The following NCALD variants were observed in gnomAD, a reference collection of about 807,000 sequenced individuals.
NCALD encodes neurocalcin-delta.
Under a neutral mutation model 18.6 loss-of-function variants are expected in NCALD, and 10 were observed. The ratio of observed to expected loss-of-function variants is 0.54; its 90% confidence interval spans 0.33 to 0.91. The LOEUF is 0.91. Among genes scored for constraint, NCALD ranks in the 40% least tolerant of loss-of-function variants. NCALD has a pLI of 0.03. For missense variants in NCALD, 184 were observed against 247.6 expected, an observed-to-expected ratio of 0.74 and a Z score of 1.72; for synonymous variants, 88 against 87.4, an observed-to-expected ratio of 1.01 and a Z score of -0.04.
In NCALD at chr8:101,974,719, G is replaced by T. The variant is rs1282507117; in HGVS notation, c.-157+45518C>A. Among the ~76,000 whole-genome samples, 5 of 152,242 alleles carry T rather than the reference G, an allele frequency of 3.3e-5. No homozygotes were observed. The East Asian group carries it at 7.7e-4, about 23-fold the overall frequency. On this transcript the variant is annotated intron_variant, in intron 2 of 6. Coordinates refer to the NCALD transcript ENST00000311028. ...GTGTGTGTTCAAAACAGCAATAAAA[G>T]ATACTAAAATAACTAACAACATGCC... is the stretch of plus-strand genomic sequence containing the variant.
intron 1 of NCALD, among the ~76,000 whole-genome samples, chr8:101,741,176 T>G (rs1025057390): frequency 6.6e-5 from 10 of 151,384 alleles, no homozygotes; most frequent in Non-Finnish European, 8.9e-5. Context: ...TGTATCCCTG[T>G]GTACACACAC....
At position 101,911,633 on chromosome 8, in the gene NCALD, A is replaced by G. The variant is rs187572852; in HGVS notation, c.-107+4176T>C. Among the ~76,000 whole-genome samples the G allele has an allele frequency of 1.2e-3, 177 of 152,302 alleles. 1 individual carries two copies. Among genetic ancestry groups the G allele is most frequent in the African/African-American group, 4.0e-3 (166 of 41,570 alleles). The stretch of plus-strand genomic sequence containing the variant: ...CGGCCTCCCAAAGCGCTGGGATTAC[A>G]GGTATGAACCACCATGCCCAGCCCC... On this transcript the variant is annotated intron_variant, in intron 3 of 6. Transcript: ENST00000311028.
chr8:102,084,549 T>C (rs147325304), intron 1 of NCALD, among the ~76,000 whole-genome samples: 1 of 152,336 alleles, frequency 6.6e-6, no homozygotes, highest in Non-Finnish European at 1.5e-5. Context: ...TCTCCCCTGA[T>C]TCTTCCCTTG....
intron 4 of NCALD, among the ~76,000 whole-genome samples, chr8:101,855,928 A>C (rs1311777057): frequency 1.3e-5 from 2 of 152,180 alleles, no homozygotes; most frequent in African/African-American, 4.8e-5. Flanking sequence ...CTTTATTTGA[A>C]GTCCAGAGAC....
At chr8:101,990,798 C>T (rs1434807059) in intron 2 of NCALD, among the ~76,000 whole-genome samples, 1 of 152,150 alleles carries the variant, frequency 6.6e-6, no homozygotes, top group African/African-American at 2.4e-5. Context: ...CACATTCTCT[C>T]AGGCTCCCAC....
intron 1 of NCALD, chr8:101,785,986 G>A (rs776266755): frequency 6.6e-6 from 1 of 152,170 alleles, no homozygotes. Context: ...TGTCTGTTTT[G>A]TTTTGATGTT....
intron 1 of NCALD, among the ~76,000 whole-genome samples, chr8:102,086,961 T>C (rs1039179542): frequency 2.0e-5 from 3 of 152,220 alleles, no homozygotes; most frequent in Non-Finnish European, 2.9e-5. Flanking sequence ...ACAGATGCCA[T>C]GGCAACATCA....
intron 2 of NCALD, among the ~76,000 whole-genome samples, chr8:101,972,705 T>C (rs1243217509): frequency 6.6e-6 from 1 of 152,142 alleles, no homozygotes; most frequent in Admixed American, 6.5e-5. Flanking sequence ...ATGTCCATCG[T>C]GGGGAAAACA....
chr8:101,906,426 G>A (rs111729195), intron 3 of NCALD, among the ~76,000 whole-genome samples: 7,033 of 152,160 alleles, frequency 0.046, 258 homozygotes, highest in African/African-American at 0.1. Context: ...CATACCGTTC[G>A]GTCTCCAGTT....
intron 1 of NCALD, chr8:101,750,191 T>A (rs1360042958): frequency 8.1e-5 from 12 of 148,404 alleles, no homozygotes. Context: ...GAAGAGTAAC[T>A]GCCCTCATGA....
In NCALD at chr8:101,801,659, T is replaced by C. The variant is rs1812863881; in HGVS notation, c.-19-82011A>G. The stretch of plus-strand genomic sequence containing the variant: ...GCACACTTACTTTTTTTTTTTTTTT[T>C]TTTTTTTTTTTTTTTTTTTTTTTTT... On this transcript the variant is annotated intron_variant, in intron 4 of 6. Transcript: ENST00000311028. 1.8e-4 allele frequency among the ~76,000 whole-genome samples: 16 copies of C among 86,696 alleles called. 1 individual carries two copies. In the South Asian group the frequency reaches 3.9e-3, roughly 21 times the overall value. The allele number at this position is 86,696 out of a possible 152,430, so 56.9% of individuals were successfully genotyped here. A position where few individuals can be genotyped will look rare whatever the true frequency, so the allele number is the denominator to read the frequency against.
In NCALD at chr8:102,052,670, T is replaced by G. The variant is rs192560122; in HGVS notation, c.-209-32381A>C. 3.0e-4 allele frequency among the ~76,000 whole-genome samples: 46 copies of G among 152,310 alleles called. No individual in the cohort carries two copies. In the South Asian group the frequency reaches 6.2e-3, roughly 21 times the overall value. On this transcript the variant is annotated intron_variant, in intron 1 of 6. Transcript: ENST00000311028. ...CTCTTCGGCTTTGTTTTCCCACATTTGAAATGAAACAGGCATGAAACTGGC... is the reference window on the plus strand; with the variant it reads ...CTCTTCGGCTTTGTTTTCCCACATTGGAAATGAAACAGGCATGAAACTGGC...
chr8:101,733,521 T>G (rs533979364), intron 1 of NCALD, among the ~76,000 whole-genome samples: 1 of 150,870 alleles, frequency 6.6e-6, no homozygotes, highest in South Asian at 2.2e-4. Flanking sequence ...TCCCAATGAA[T>G]AGGGAAAAGG....
intron 4 of NCALD, among the ~76,000 whole-genome samples, chr8:101,885,960 A>G (rs1385093342): frequency 6.6e-6 from 1 of 152,202 alleles, no homozygotes; most frequent in Non-Finnish European, 1.5e-5. Context: ...GTTCAACCAA[A>G]TTATCTCAAG....
intron 2 of NCALD, among the ~76,000 whole-genome samples, chr8:101,943,988 A>AG (rs1371065932): frequency 6.7e-6 from 1 of 148,730 alleles, no homozygotes; most frequent in African/African-American, 2.5e-5. Context: ...ACAAAAAAAA[A>AG]CAGAAAAAAA....
intron 1 of NCALD, among the ~76,000 whole-genome samples, chr8:102,052,939 T>C (rs770897051): frequency 6.6e-5 from 10 of 152,240 alleles, no homozygotes; most frequent in Non-Finnish European, 1.0e-4. Flanking sequence ...CATTTAAAAA[T>C]GTTAAAACCA....
At chr8:101,976,421 C>A (rs1206800402) in intron 2 of NCALD, among the ~76,000 whole-genome samples, 2 of 152,122 alleles carry the variant, frequency 1.3e-5, no homozygotes, top group Non-Finnish European at 2.9e-5. Context: ...TTTAGCAAAA[C>A]TTCCCTCCCC....
chr8:102,013,845 A>C (rs981007425), intron 2 of NCALD, among the ~76,000 whole-genome samples: 1 of 152,208 alleles, frequency 6.6e-6, no homozygotes, highest in Admixed American at 6.5e-5. Context: ...AGAACAGCTT[A>C]AGAATTTGGA....
intron 1 of NCALD, among the ~76,000 whole-genome samples, chr8:102,030,817 A>G (rs1221245025): frequency 6.6e-6 from 1 of 152,148 alleles, no homozygotes; most frequent in East Asian, 1.9e-4. Context: ...TGGAGGTTGT[A>G]GTGAGCCACG....
Sources: gnomAD v4.1 joint callset for allele counts (sites outside exome capture counted in the v4.1 genomes callset) on GRCh38, gnomAD v4.1.1 for gene constraint, MANE v1.5 for transcripts, NCBI Gene and HGNC (gene_info 2026-07-23, HGNC 2026-07-21) for gene names.